RBFOX1: variants seen among roughly 807,000 people sequenced by gnomAD.
The protein encoded by RBFOX1 is RNA binding fox-1 homolog 1, also known as RNA binding protein fox-1 homolog 1.
A neutral mutation model predicts 57.7 loss-of-function variants in RBFOX1; 8 were observed. That is an observed-to-expected ratio of 0.14 (90% CI 0.08 to 0.25). RBFOX1 has a LOEUF of 0.25. Ranked by LOEUF, RBFOX1 falls within the 10% of genes least tolerant of loss-of-function variation. RBFOX1 has a pLI of 1.00. For synonymous variants in RBFOX1, 326 were observed against 222.4 expected, an observed-to-expected ratio of 1.47 and a Z score of -4.15; for missense variants, 611 against 548.5, an observed-to-expected ratio of 1.11 and a Z score of -1.14.
intron 5 of RBFOX1, among the ~76,000 whole-genome samples, chr16:7,529,757 C>T (rs1004337066): frequency 3.9e-5 from 6 of 152,014 alleles, no homozygotes; most frequent in African/African-American, 1.4e-4. Context: ...GCATGTAATC[C>T]CAGCACTTTG....
At chr16:7,615,912 C>T (rs775689072) in intron 10 of RBFOX1, among the ~76,000 whole-genome samples, 32 of 152,282 alleles carry the variant, frequency 2.1e-4, no homozygotes, top group East Asian at 1.4e-3. Flanking sequence ...CACATATTCA[C>T]GGAATACCTT....
chr16:5,748,193 G>A (rs2053059888), intron 3 of RBFOX1, among the ~76,000 whole-genome samples: 1 of 152,138 alleles, frequency 6.6e-6, no homozygotes, highest in Non-Finnish European at 1.5e-5. Flanking sequence ...TTTTGAGTGA[G>A]TTTCTTAATC....
chr16:6,648,549 C>T (rs933710792), intron 2 of RBFOX1, among the ~76,000 whole-genome samples: 7 of 152,120 alleles, frequency 4.6e-5, no homozygotes, highest in African/African-American at 1.7e-4. Flanking sequence ...TGGAATTACC[C>T]GCAGCCCTGT....
At chr16:5,809,898 C>T (rs983992410) in intron 3 of RBFOX1, among the ~76,000 whole-genome samples, 11 of 152,054 alleles carry the variant, frequency 7.2e-5, no homozygotes, top group African/African-American at 2.7e-4. Context: ...CGGCACTATC[C>T]ACAATAGCAA....
chr16:7,239,432 G>A (rs922737504), intron 4 of RBFOX1, among the ~76,000 whole-genome samples: 53 of 152,304 alleles, frequency 3.5e-4, no homozygotes, highest in Admixed American at 1.6e-3. Context: ...CTGGGAGCTG[G>A]AGGTTTCAGT....
intron 3 of RBFOX1, among the ~76,000 whole-genome samples, chr16:5,650,869 G>T (rs1182050878): frequency 2.0e-5 from 3 of 151,894 alleles, no homozygotes; most frequent in Admixed American, 6.6e-5. Context: ...CGAAGCCAGT[G>T]AATGAGACAC....
intron 2 of RBFOX1, among the ~76,000 whole-genome samples, chr16:5,520,887 C>G (rs370925123): frequency 6.6e-6 from 1 of 152,270 alleles, no homozygotes; most frequent in East Asian, 1.9e-4. Flanking sequence ...ATGGGAATTG[C>G]CCACATGGGG....
intron 1 of RBFOX1, among the ~76,000 whole-genome samples, chr16:5,409,283 G>A (rs2066948882): frequency 6.6e-6 from 1 of 152,190 alleles, no homozygotes. Context: ...TCTGCATACA[G>A]CCCCTAGGGG....
At chr16:5,551,535 G>C (rs913444330) in intron 2 of RBFOX1, among the ~76,000 whole-genome samples, 11 of 152,312 alleles carry the variant, frequency 7.2e-5, no homozygotes, top group Middle Eastern at 3.4e-3. Context: ...AATCCACTCT[G>C]CTTTGGGACT....
intron 1 of RBFOX1, among the ~76,000 whole-genome samples, chr16:6,197,964 G>A (rs541957435): frequency 6.6e-6 from 1 of 152,194 alleles, no homozygotes; most frequent in African/African-American, 2.4e-5. Flanking sequence ...CCATGTTGCT[G>A]CAAAGGACAT....
rs1296951905 is a variant in RBFOX1, at chr16:7,653,911, C to T, written c.854C>T (p.Ala285Val). 1 of 1,575,748 alleles carries T rather than the reference C, an allele frequency of 6.3e-7. No individual in the cohort carries two copies. The highest frequency in any genetic ancestry group is 8.6e-7 in the Non-Finnish European group (1 of 1,166,936). ...CGCACCGTGTACAACACCTTCAGGG[C>T]CGCGGCGCCCCCGCCCCCGATCCCG... is the stretch of plus-strand genomic sequence containing the variant. ...RGRTVYNTFRAAAPPPPIPAY... is the reference protein window; with the variant it reads ...RGRTVYNTFRVAAPPPPIPAY... The change falls in exon 12 of 16, where the codon GCC (alanine) becomes GTC (valine). Residue 285 changes from alanine to valine, a missense_variant. Coordinates refer to ENST00000550418, the MANE Select transcript of RBFOX1 (RefSeq NM_018723.4).
chr16:7,143,494 C>T (rs1278953429), intron 4 of RBFOX1, among the ~76,000 whole-genome samples: 1 of 152,012 alleles, frequency 6.6e-6, no homozygotes, highest in Non-Finnish European at 1.5e-5. Context: ...AGCCATATTC[C>T]CATATCCTAC....
intron 2 of RBFOX1, among the ~76,000 whole-genome samples, chr16:6,484,912 ATGAT>A (rs2095442069): frequency 6.6e-6 from 1 of 152,202 alleles, no homozygotes; most frequent in Non-Finnish European, 1.5e-5. Flanking sequence ...GCAGGCAAAA[ATGAT>A]TGTGTAATCC....
At chr16:6,060,141 T>TTTTG (rs2095666527) in intron 1 of RBFOX1, among the ~76,000 whole-genome samples, 3 of 28,898 alleles carry the variant, frequency 1.0e-4, no homozygotes, top group Non-Finnish European at 3.1e-4. Flanking sequence ...TTTTTTTTTT[T>TTTTG]TTTTTTTTTT....
intron 4 of RBFOX1, among the ~76,000 whole-genome samples, chr16:7,241,482 G>A (rs1308595269): frequency 6.6e-6 from 1 of 152,146 alleles, no homozygotes; most frequent in Non-Finnish European, 1.5e-5. Context: ...TGACTAAAAT[G>A]TTTCTTGAAA....
chr16:5,632,813 C>G (rs907128547), intron 3 of RBFOX1, among the ~76,000 whole-genome samples: 3 of 152,112 alleles, frequency 2.0e-5, no homozygotes, highest in African/African-American at 7.2e-5. Flanking sequence ...GGTAGGTACT[C>G]TTCCATATAA....
chr16:6,806,011 T>A (rs1437666427), intron 3 of RBFOX1, among the ~76,000 whole-genome samples: 2 of 152,194 alleles, frequency 1.3e-5, no homozygotes, highest in Admixed American at 1.3e-4. Context: ...AAACTGTGGG[T>A]ATTCATACTC....
chr16:6,022,703 C>A lies in RBFOX1; in HGVS notation c.-127+2711C>A, dbSNP rs975750326. ...TGCCTCAAAAACAAAACAAAACAAA[C>A]AAACAAACAAAAAACAATTTGTGAT... On this transcript the variant is annotated intron_variant, in intron 1 of 15. Coordinates refer to ENST00000550418, the MANE Select transcript of RBFOX1 (RefSeq NM_018723.4). 7.9e-5 allele frequency among the ~76,000 whole-genome samples: 12 copies of A among 152,094 alleles called. No homozygotes were observed. The East Asian group carries it at 2.1e-3, about 27-fold the overall frequency.
At chr16:6,909,224 C>T (rs1427794936) in intron 3 of RBFOX1, among the ~76,000 whole-genome samples, 1 of 152,158 alleles carries the variant, frequency 6.6e-6, no homozygotes, top group Non-Finnish European at 1.5e-5. Context: ...CTAGAGGCCA[C>T]CCAGATTACA....
Sources: allele counts gnomAD v4.1 joint callset (sites outside exome capture counted in the v4.1 genomes callset), GRCh38; gene constraint gnomAD v4.1.1; transcripts MANE v1.5; gene names NCBI Gene and HGNC (gene_info 2026-07-23, HGNC 2026-07-21).